TMPRSS11F: variants seen among roughly 807,000 people sequenced by gnomAD.
The protein encoded by TMPRSS11F is transmembrane protease serine 11F.
A neutral mutation model predicts 60.2 loss-of-function variants in TMPRSS11F; 47 were observed. That is an observed-to-expected ratio of 0.78 (90% CI 0.62 to 1.00). The LOEUF (loss-of-function observed/expected upper bound fraction) is 1.00. Among genes scored for constraint, TMPRSS11F ranks in the 50% least tolerant of loss-of-function variants. The pLI, the probability that TMPRSS11F is intolerant of heterozygous loss-of-function variation, is 0.00. For missense variants in TMPRSS11F, 519 were observed against 522.9 expected (o/e 0.99, Z 0.07); for synonymous variants, 166 against 167.3 (o/e 0.99, Z 0.06).
At chr4:68,077,005 C>G (rs1044093794) in intron 3 of TMPRSS11F, among the ~76,000 whole-genome samples, 1 of 152,218 alleles carries the variant, frequency 6.6e-6, no homozygotes, top group African/African-American at 2.4e-5. Context: ...GTTCCCACAG[C>G]ATTACCCACT....
chr4:68,119,145 G>A (rs889049274), intron 1 of TMPRSS11F, among the ~76,000 whole-genome samples: 1 of 152,096 alleles, frequency 6.6e-6, no homozygotes, highest in Non-Finnish European at 1.5e-5. Flanking sequence ...CACACAACAT[G>A]TGTTAAGGCC....
chr4:68,091,750 T>TCC (rs1413214925), intron 2 of TMPRSS11F, among the ~76,000 whole-genome samples: 10 of 23,274 alleles, frequency 4.3e-4, no homozygotes, highest in Non-Finnish European at 1.8e-3. Context: ...ATCTCTAATC[T>TCC]CTCTCTCTCT....
At chr4:68,119,265 T>G (rs1724579696) in intron 1 of TMPRSS11F, among the ~76,000 whole-genome samples, 1 of 151,976 alleles carries the variant, frequency 6.6e-6, no homozygotes. Context: ...CAGAAGTTAG[T>G]TCATGAGATT....
intron 2 of TMPRSS11F, among the ~76,000 whole-genome samples, chr4:68,092,690 T>C (rs73825375): frequency 3.3e-5 from 5 of 151,094 alleles, no homozygotes; most frequent in Admixed American, 6.6e-5. Context: ...AAGGCACATC[T>C]TGATAAGATT....
At chr4:68,084,372 T>A (rs954205918) in intron 3 of TMPRSS11F, among the ~76,000 whole-genome samples, 1 of 152,134 alleles carries the variant, frequency 6.6e-6, no homozygotes, top group Admixed American at 6.5e-5. Flanking sequence ...AGTCGTCAGA[T>A]TCACCAAGGT....
At chr4:68,064,111 C>G (rs1723266846) in intron 8 of TMPRSS11F, among the ~76,000 whole-genome samples, 1 of 149,770 alleles carries the variant, frequency 6.7e-6, no homozygotes, top group Non-Finnish European at 1.5e-5. Context: ...ATATTAGTCT[C>G]TCTCCCTGAC....
At chr4:68,070,234 A>G (rs1022879392) in intron 5 of TMPRSS11F, among the ~76,000 whole-genome samples, 4 of 152,212 alleles carry the variant, frequency 2.6e-5, no homozygotes, top group African/African-American at 9.6e-5. Context: ...AGAGCATTTT[A>G]TTTCCTGATT....
intron 9 of TMPRSS11F, among the ~76,000 whole-genome samples, chr4:68,055,021 G>T (rs1403723641): frequency 3.3e-5 from 5 of 152,174 alleles, no homozygotes; most frequent in Non-Finnish European, 5.9e-5. Flanking sequence ...AGGAAGAAGA[G>T]CAGAGCACAA....
intron 3 of TMPRSS11F, among the ~76,000 whole-genome samples, chr4:68,086,360 G>T (rs1405953747): frequency 6.6e-6 from 1 of 152,028 alleles, no homozygotes; most frequent in African/African-American, 2.4e-5. Context: ...AACATCTTTG[G>T]GGTGCAGCTA....
At chr4:68,079,229 G>A (rs562962562) in intron 3 of TMPRSS11F, among the ~76,000 whole-genome samples, 1 of 151,878 alleles carries the variant, frequency 6.6e-6, no homozygotes, top group East Asian at 2.0e-4. Flanking sequence ...AAGAAACTGA[G>A]ACTCAGGATA....
At chr4:68,104,716 A>T (rs1216664940) in intron 1 of TMPRSS11F, among the ~76,000 whole-genome samples, 3 of 152,204 alleles carry the variant, frequency 2.0e-5, no homozygotes, top group Non-Finnish European at 4.4e-5. Flanking sequence ...GAGAATTTTT[A>T]TCAAGAAATA....
At chr4:68,063,264 G>A in intron 8 of TMPRSS11F, 4 of 566,762 alleles carry the variant, frequency 7.1e-6, no homozygotes, top group South Asian at 2.8e-5. Context: ...ACCTTCAATC[G>A]CCATGATGAG....
At chr4:68,069,344 GC>G (rs1404367831) in intron 6 of TMPRSS11F, among the ~76,000 whole-genome samples, 1 of 152,042 alleles carries the variant, frequency 6.6e-6, no homozygotes, top group Non-Finnish European at 1.5e-5. Context: ...TGTTTGCAAA[GC>G]CCTGTATTTT....
At chr4:68,087,123 A>G (rs1254719037) in intron 3 of TMPRSS11F, among the ~76,000 whole-genome samples, 1 of 152,210 alleles carries the variant, frequency 6.6e-6, no homozygotes, top group African/African-American at 2.4e-5. Context: ...AACATCCTCA[A>G]CCAAATACCA....
chr4:68,082,555 A>G (rs1353862031), intron 3 of TMPRSS11F, among the ~76,000 whole-genome samples: 7 of 152,200 alleles, frequency 4.6e-5, no homozygotes, highest in South Asian at 2.1e-4. Context: ...CTCCCACAAG[A>G]ACATGCACAC....
At position 68,068,819 on chromosome 4, in the gene TMPRSS11F, C is replaced by G. The variant is rs1723389448; in HGVS notation, c.554G>C (p.Arg185Pro). The change falls in exon 7 of 10, where the codon CGC becomes CCC. Residue 185 changes from arginine to proline, a missense_variant and splice_region_variant. Coordinates refer to ENST00000356291, the MANE Select transcript of TMPRSS11F (RefSeq NM_207407.2). ...SKKMRNLLNS[R>P]CGIRMTSSNM... ...TGAAGATGTCATCCTTATTCCACAG[C>G]CTGCCACAGAAATACATGATCATTC... The G allele has an allele frequency of 6.2e-7, 1 of 1,613,862 alleles. No homozygotes were observed. The highest frequency in any genetic ancestry group is 8.5e-7 in the Non-Finnish European group (1 of 1,179,868).
chr4:68,060,134 A>C (rs1723128871), intron 8 of TMPRSS11F, among the ~76,000 whole-genome samples: 1 of 152,032 alleles, frequency 6.6e-6, no homozygotes, highest in South Asian at 2.1e-4. Context: ...TCACAAAGCC[A>C]AGTTGGATAT....
At chr4:68,104,888 T>C (rs1053103477) in intron 1 of TMPRSS11F, among the ~76,000 whole-genome samples, 1 of 151,994 alleles carries the variant, frequency 6.6e-6, no homozygotes, top group African/African-American at 2.4e-5. Context: ...ATATTTTTGA[T>C]GTGTTGCTGG....
chr4:68,125,132 T>A (rs1724692452), intron 1 of TMPRSS11F, among the ~76,000 whole-genome samples: 1 of 151,592 alleles, frequency 6.6e-6, no homozygotes, highest in East Asian at 1.9e-4. Flanking sequence ...ATTCAATGGT[T>A]TTTTTAACTT....
Sources: gnomAD v4.1 joint callset for allele counts (sites outside exome capture counted in the v4.1 genomes callset) on GRCh38, gnomAD v4.1.1 for gene constraint, MANE v1.5 for transcripts, NCBI Gene and HGNC (gene_info 2026-07-23, HGNC 2026-07-21) for gene names.